Variants in TECRL observed in about 807,000 individuals in gnomAD.
The protein encoded by TECRL is trans-2,3-enoyl-CoA reductase-like.
A neutral mutation model predicts 52.8 loss-of-function variants in TECRL; 63 were observed. The ratio of observed to expected loss-of-function variants is 1.19; its 90% CI spans 0.97 to 1.47. The LOEUF (loss-of-function observed/expected upper bound fraction) is 1.47. Ranked by LOEUF, TECRL falls within the 40% of genes most tolerant of loss-of-function variation. TECRL has a pLI of 0.00. For synonymous variants in TECRL, 164 were observed against 141.9 expected (o/e 1.16, Z -1.10); for missense variants, 482 against 429.6 (o/e 1.12, Z -1.08).
intron 4 of TECRL, among the ~76,000 whole-genome samples, chr4:64,314,985 T>C (rs1717388785): frequency 6.6e-6 from 1 of 152,142 alleles, no homozygotes; most frequent in Non-Finnish European, 1.5e-5. Context: ...TTGAACCTAA[T>C]AAACTGGTTT....
intron 2 of TECRL, among the ~76,000 whole-genome samples, chr4:64,339,639 AC>A (rs967736404): frequency 3.5e-4 from 53 of 152,100 alleles, no homozygotes; most frequent in African/African-American, 1.3e-3. Context: ...TTTTAACATC[AC>A]TTTAATTTTC....
In TECRL at chr4:64,305,242, CAAACAAAACA is replaced by C; in HGVS notation, c.658-14_658-5del. On this transcript the variant is annotated splice_region_variant and splice_polypyrimidine_tract_variant and intron_variant, in intron 6 of 11. Coordinates refer to ENST00000381210, the MANE Select transcript of TECRL (RefSeq NM_001010874.5). Reference sequence around the variant, plus strand: ...ATCCCCAGTAAAAGGCACAACTCTGCAAACAAAACAAAACAAAATAAAAGTTAGGAAAAAT... The same window carrying C: ...ATCCCCAGTAAAAGGCACAACTCTGCAAACAAAATAAAAGTTAGGAAAAAT... 1 of 1,610,226 alleles carries C rather than the reference CAAACAAAACA, an allele frequency of 6.2e-7. No individual in the cohort carries two copies. The highest frequency in any genetic ancestry group is 8.5e-7 in the Non-Finnish European group (1 of 1,178,324).
At chr4:64,336,070 T>C (rs190552346) in intron 2 of TECRL, among the ~76,000 whole-genome samples, 1 of 152,160 alleles carries the variant, frequency 6.6e-6, no homozygotes, top group Non-Finnish European at 1.5e-5. Context: ...TTGATTGGAA[T>C]AGTTTCGGAA....
intron 1 of TECRL, among the ~76,000 whole-genome samples, chr4:64,408,594 A>G (rs1724887435): frequency 6.6e-6 from 1 of 152,070 alleles, no homozygotes; most frequent in Non-Finnish European, 1.5e-5. Flanking sequence ...AACTTTCATA[A>G]AAAGTGAGGT....
Position 64,348,046 on chromosome 4 carries a change from TTA to T in TECRL, c.287-19492_287-19491del, listed in dbSNP as rs201610646. On this transcript the variant is annotated intron_variant, in intron 2 of 11. Coordinates refer to ENST00000381210, the MANE Select transcript of TECRL (RefSeq NM_001010874.5). Reference sequence around the variant, plus strand: ...CCAAAGTTGCTTCCACATTTTCATGTTATGTTTATAGCAGTGCCCCACTCCGG... The same window carrying T: ...CCAAAGTTGCTTCCACATTTTCATGTTGTTTATAGCAGTGCCCCACTCCGG... Among the ~76,000 whole-genome samples, 874 of 152,254 alleles carry T rather than the reference TTA, an allele frequency of 5.7e-3. 10 individuals are homozygous for T. The highest frequency in any genetic ancestry group is 0.019 in the African/African-American group (797 of 41,556).
Position 64,355,463 on chromosome 4 carries a change from G to A in TECRL, c.286+19709C>T, listed in dbSNP as rs139037216. ...TGACCAACATAGGTTTTAGACTCAA[G>A]AGATTATGTAAAAGGGAATTAAGAA... On this transcript the variant is annotated intron_variant, in intron 2 of 11. Coordinates refer to ENST00000381210, the MANE Select transcript of TECRL (RefSeq NM_001010874.5). Among the ~76,000 whole-genome samples, 1,144 of 152,102 alleles carry A rather than the reference G, an allele frequency of 7.5e-3. 13 individuals carry two copies. Among genetic ancestry groups the A allele is most frequent in the African/African-American group, 0.025 (1,049 of 41,494 alleles).
intron 2 of TECRL, among the ~76,000 whole-genome samples, chr4:64,343,994 G>C (rs866621001): frequency 6.6e-6 from 1 of 150,730 alleles, no homozygotes; most frequent in Non-Finnish European, 1.5e-5. Context: ...GAGAGGAAGG[G>C]GTCTATCCCC....
chr4:64,369,791 G>T (rs1395020445), intron 2 of TECRL, among the ~76,000 whole-genome samples: 1 of 151,768 alleles, frequency 6.6e-6, no homozygotes, highest in African/African-American at 2.4e-5. Context: ...AAATATTTTA[G>T]GTCCGTGGCA....
intron 4 of TECRL, among the ~76,000 whole-genome samples, chr4:64,317,031 C>A (rs1024554015): frequency 2.0e-5 from 3 of 152,148 alleles, no homozygotes; most frequent in Non-Finnish European, 4.4e-5. Context: ...GTAATCCCAG[C>A]ACTTTGGGAG....
intron 7 of TECRL, among the ~76,000 whole-genome samples, chr4:64,302,590 C>CT (rs936791758): frequency 1.4e-3 from 123 of 88,838 alleles, no homozygotes; most frequent in African/African-American, 2.7e-3. Flanking sequence ...AGTCCAGTAA[C>CT]TTTTTTTTCT....
intron 2 of TECRL, among the ~76,000 whole-genome samples, chr4:64,342,194 G>A (rs1442875697): frequency 6.6e-6 from 1 of 152,044 alleles, no homozygotes; most frequent in Non-Finnish European, 1.5e-5. Flanking sequence ...CCACTTCCCT[G>A]TTTTTGGTCT....
chr4:64,384,335 G>A (rs563922312), intron 1 of TECRL, among the ~76,000 whole-genome samples: 1 of 152,252 alleles, frequency 6.6e-6, no homozygotes, highest in East Asian at 1.9e-4. Flanking sequence ...ACCTCTGGTA[G>A]CATGCACAGG....
intron 2 of TECRL, among the ~76,000 whole-genome samples, chr4:64,360,256 A>AT (rs1721082411): frequency 1.5e-4 from 4 of 27,304 alleles, no homozygotes; most frequent in Non-Finnish European, 6.1e-4. Context: ...ATACCCACTT[A>AT]ATTTTTTTAA....
intron 2 of TECRL, among the ~76,000 whole-genome samples, chr4:64,356,692 A>T (rs936968657): frequency 1.3e-5 from 2 of 152,166 alleles, no homozygotes. Context: ...AAATAGTAAT[A>T]AAAACTGAGG....
chr4:64,316,017 G>T (rs1717473522), intron 4 of TECRL, among the ~76,000 whole-genome samples: 1 of 126,322 alleles, frequency 7.9e-6, no homozygotes, highest in African/African-American at 2.9e-5. Flanking sequence ...TATAGAAAAT[G>T]TTTGCCACTT....
chr4:64,374,259 T>C (rs1263597875), intron 2 of TECRL, among the ~76,000 whole-genome samples: 5 of 151,022 alleles, frequency 3.3e-5, no homozygotes, highest in Non-Finnish European at 5.9e-5. Context: ...GCTTTCCATT[T>C]CATTACGAAT....
chr4:64,349,388 C>A (rs978767328), intron 2 of TECRL, among the ~76,000 whole-genome samples: 1 of 152,046 alleles, frequency 6.6e-6, no homozygotes, highest in Non-Finnish European at 1.5e-5. Context: ...ACCGCGGCCT[C>A]CCAAAGTGCT....
rs868206748 is a variant in TECRL, at chr4:64,314,524, G to A, written c.551+124C>T. ...CCATAAAATGATATCCACTTCAATC[G>A]CGTTTAGTAACAACCTTTATTAATA... On this transcript the variant is annotated intron_variant, in intron 5 of 11. Coordinates refer to ENST00000381210, the MANE Select transcript of TECRL (RefSeq NM_001010874.5). 1.8e-5 allele frequency: 12 copies of A among 685,262 alleles called. No homozygotes were observed. In the South Asian group the frequency reaches 1.9e-4, roughly 11 times the overall value. The allele number at this position is 685,262 out of a possible 1,614,324, so 42.4% of individuals were successfully genotyped here. A position where few individuals can be genotyped will look rare whatever the true frequency, so the allele number is the denominator to read the frequency against.
At chr4:64,374,379 T>C (rs1410986145) in intron 2 of TECRL, among the ~76,000 whole-genome samples, 2 of 151,900 alleles carry the variant, frequency 1.3e-5, no homozygotes, top group South Asian at 2.1e-4. Flanking sequence ...TCATAGATTC[T>C]TTTTTAATGT....
Sources: gnomAD v4.1 joint callset for allele counts (sites outside exome capture counted in the v4.1 genomes callset) on GRCh38, gnomAD v4.1.1 for gene constraint, MANE v1.5 for transcripts, NCBI Gene and HGNC (gene_info 2026-07-23, HGNC 2026-07-21) for gene names.